Variants in ENPP1 observed in about 807,000 individuals in gnomAD.
ENPP1 encodes ectonucleotide pyrophosphatase/phosphodiesterase 1, also known as ectonucleotide pyrophosphatase/phosphodiesterase family member 1.
A neutral mutation model predicts 122.8 loss-of-function variants in ENPP1; 73 were observed. The ratio of observed to expected loss-of-function variants is 0.59; its 90% confidence interval spans 0.49 to 0.72. The LOEUF (loss-of-function observed/expected upper bound fraction) is 0.72. Among genes scored for constraint, ENPP1 ranks in the 30% least tolerant of loss-of-function variants. The probability of loss-of-function intolerance (pLI) is 0.00; values close to 1 mark genes in which losing one functional copy is unlikely to be tolerated. For missense variants in ENPP1, 978 were observed against 1,128.1 expected, an observed-to-expected ratio of 0.87 and a Z score of 1.91; for synonymous variants, 367 against 391.6, an observed-to-expected ratio of 0.94 and a Z score of 0.74.
intron 1 of ENPP1, among the ~76,000 whole-genome samples, chr6:131,843,709 G>A (rs554154433): frequency 6.7e-6 from 1 of 149,700 alleles, no homozygotes; most frequent in Admixed American, 6.7e-5. Context: ...AGAATTTCAG[G>A]CCATTCAAGT....
chr6:131,889,297 A>G (rs146592177), intron 24 of ENPP1, among the ~76,000 whole-genome samples: 93 of 152,236 alleles, frequency 6.1e-4, no homozygotes, highest in African/African-American at 2.0e-3. Flanking sequence ...AATGTGTGCC[A>G]TGGTGGTTTG....
chr6:131,883,380 G>A (rs1039361549), intron 21 of ENPP1, among the ~76,000 whole-genome samples: 1 of 152,232 alleles, frequency 6.6e-6, no homozygotes, highest in African/African-American at 2.4e-5. Context: ...TGTAAGGAAA[G>A]AAGATTGTCA....
At chr6:131,886,128 C>T (rs1782374149) in intron 23 of ENPP1, among the ~76,000 whole-genome samples, 1 of 152,172 alleles carries the variant, frequency 6.6e-6, no homozygotes, top group South Asian at 2.1e-4. Context: ...TTCATGACAA[C>T]ATGTCCTCTC....
At chr6:131,830,178 A>G (rs1290447260) in intron 1 of ENPP1, among the ~76,000 whole-genome samples, 2 of 152,268 alleles carry the variant, frequency 1.3e-5, no homozygotes, top group Admixed American at 1.3e-4. Flanking sequence ...ATTGGGTGTG[A>G]TGCTCTTTGG....
At chr6:131,875,497 A>G (rs1261911684) in intron 16 of ENPP1, among the ~76,000 whole-genome samples, 1 of 152,058 alleles carries the variant, frequency 6.6e-6, no homozygotes, top group Non-Finnish European at 1.5e-5. Context: ...TGAGGTTTAT[A>G]TTGCATGTCA....
intron 18 of ENPP1, chr6:131,877,500 C>CTCT (rs1782245574): frequency 2.8e-6 from 1 of 352,512 alleles, no homozygotes; most frequent in African/African-American, 2.1e-5. Flanking sequence ...TTAACTCTAG[C>CTCT]AGTGAGGTGA....
intron 24 of ENPP1, among the ~76,000 whole-genome samples, chr6:131,888,777 T>G (rs1452538044): frequency 2.0e-5 from 3 of 152,254 alleles, no homozygotes; most frequent in Non-Finnish European, 4.4e-5. Flanking sequence ...AACATGCAGC[T>G]ATTCCCTGCT....
intron 1 of ENPP1, 35 bp from the exon 2 acceptor site, chr6:131,847,741 A>G: frequency 7.0e-7 from 1 of 1,434,078 alleles, no homozygotes; most frequent in Non-Finnish European, 9.8e-7. Context: ...TTTTTTAAAA[A>G]AGAAACCATG....
chr6:131,866,492 C>T (rs989700052), intron 11 of ENPP1, among the ~76,000 whole-genome samples: 1 of 152,202 alleles, frequency 6.6e-6, no homozygotes, highest in African/African-American at 2.4e-5. Flanking sequence ...ACAACAGCTG[C>T]CTAAACCATC....
intron 1 of ENPP1, among the ~76,000 whole-genome samples, chr6:131,822,677 C>T (rs1343027268): frequency 6.6e-6 from 1 of 151,060 alleles, no homozygotes; most frequent in Non-Finnish European, 1.5e-5. Context: ...CATTGATAGA[C>T]AGCTTTCTAA....
At chr6:131,808,365 C>A in intron 1 of ENPP1, 90 bp downstream of exon 1, 1 of 1,359,790 alleles carries the variant, frequency 7.4e-7, no homozygotes, top group Non-Finnish European at 9.6e-7. Flanking sequence ...GCAGTCAGCA[C>A]CGGGCACCGG....
At chr6:131,880,812 G>A (rs1027879134) in intron 20 of ENPP1, among the ~76,000 whole-genome samples, 1 of 152,036 alleles carries the variant, frequency 6.6e-6, no homozygotes, top group African/African-American at 2.4e-5. Context: ...CCATCTATAG[G>A]AAGACACGAG....
At chr6:131,832,882 C>G (rs536839980) in intron 1 of ENPP1, among the ~76,000 whole-genome samples, 1 of 152,248 alleles carries the variant, frequency 6.6e-6, no homozygotes, top group South Asian at 2.1e-4. Context: ...AGCAAGTATT[C>G]CAGTGATGGG....
intron 18 of ENPP1, chr6:131,877,807 C>G (rs1295237934): frequency 8.7e-6 from 1 of 115,546 alleles, no homozygotes; most frequent in African/African-American, 3.4e-5. Context: ...CCATCGCATT[C>G]CAGCCTGGGC....
rs142945522 is a variant in ENPP1 at position 131,841,504 on chromosome 6, T to C, written c.241-6272T>C. 1.9e-3 allele frequency among the ~76,000 whole-genome samples: 282 copies of C among 152,338 alleles called. 2 individuals carry two copies. The highest frequency in any genetic ancestry group is 6.5e-3 in the African/African-American group (272 of 41,574). On this transcript the variant is annotated intron_variant, in intron 1 of 24. Coordinates refer to ENST00000647893, the MANE Select transcript of ENPP1 (RefSeq NM_006208.3). Reference sequence around the variant, plus strand: ...GTGTGTATATTTGTTGTAGGTATCTTTTATGTAATGCAGACACAATGTCAC... The same window carrying C: ...GTGTGTATATTTGTTGTAGGTATCTCTTATGTAATGCAGACACAATGTCAC...
intron 13 of ENPP1, among the ~76,000 whole-genome samples, chr6:131,871,378 T>C (rs1782160433): frequency 6.6e-6 from 1 of 152,190 alleles, no homozygotes; most frequent in African/African-American, 2.4e-5. Context: ...ATGCAGTTTT[T>C]AAACTAGTCT....
At position 131,890,502 on chromosome 6, in the gene ENPP1, A is replaced by G. The variant is rs1347882772; in HGVS notation, c.2769A>G (p.Gln923=). ...AAACACATTTGCCAACCTTTAGCCA[A>G]GAAGACTGATATGTTTTTTATCCCC... ...KLKTHLPTFS[Q]ED Residue 923 remains glutamine, a synonymous_variant, in exon 25 of 25, where the codon CAA becomes CAG. Transcript: ENST00000647893. 3 of 1,613,630 alleles carry G rather than the reference A, an allele frequency of 1.9e-6. No homozygotes were observed. Among genetic ancestry groups the G allele is most frequent in the Non-Finnish European group, 2.5e-6 (3 of 1,179,512 alleles).
intron 23 of ENPP1, 73 bp from the exon 24 acceptor site, chr6:131,886,489 T>A (rs1562186457): frequency 9.0e-7 from 1 of 1,112,240 alleles, no homozygotes; most frequent in Non-Finnish European, 1.3e-6. Context: ...ATTAAAAGCA[T>A]GCTCTACTGA....
chr6:131,808,117 G>T lies in ENPP1; in HGVS notation c.82G>T (p.Gly28Cys). ...RAPREGPAGNGRDRGRSHAAE... is the reference protein window; with the variant it reads ...RAPREGPAGNCRDRGRSHAAE... ...TCCCCGGGAGGGCCCGGCGGGGAACGGCCGCGATCGGGGCCGCAGCCACGC... is the reference window on the plus strand; with the variant it reads ...TCCCCGGGAGGGCCCGGCGGGGAACTGCCGCGATCGGGGCCGCAGCCACGC... Residue 28 changes from glycine (G) to cysteine (C), a missense_variant, in exon 1 of 25, where the codon GGC (glycine) becomes TGC (cysteine). Physicochemically the swap from Gly to Cys is radical, Grantham distance 159. Around this residue, in one of 3 missense-constraint regions of ENPP1, gnomAD observed 330 missense variants for 328.5 expected, o/e 1.00. Transcript: ENST00000647893. The T allele has an allele frequency of 1.6e-6, 2 of 1,266,228 alleles. No homozygotes were observed. Among genetic ancestry groups the T allele is most frequent in the Non-Finnish European group, 2.0e-6 (2 of 1,001,648 alleles). The allele number at this position is 1,266,228 out of a possible 1,614,324, so 78.4% of individuals were successfully genotyped here.
Sources: allele counts gnomAD v4.1 joint callset (sites outside exome capture counted in the v4.1 genomes callset), GRCh38; gene constraint gnomAD v4.1.1; regional missense constraint gnomAD v4.1.1; transcripts MANE v1.5; gene names NCBI Gene and HGNC (gene_info 2026-07-23, HGNC 2026-07-21).